The following GSE1 variants were observed in gnomAD, a reference collection of about 807,000 sequenced individuals.
The protein encoded by GSE1 is genetic suppressor element 1.
A neutral mutation model predicts 112.6 loss-of-function variants in GSE1; 32 were observed. That is an observed-to-expected ratio of 0.28 (90% CI 0.21 to 0.38). GSE1 has a LOEUF of 0.38. Among genes scored for constraint, GSE1 ranks in the 10% least tolerant of loss-of-function variants. GSE1 has a pLI of 1.00. For missense variants in GSE1, 2,348 were observed against 1,699.2 expected, an observed-to-expected ratio of 1.38 and a Z score of -6.71; for synonymous variants, 1,115 against 735.6, an observed-to-expected ratio of 1.52 and a Z score of -8.35.
intron 1 of GSE1, among the ~76,000 whole-genome samples, chr16:85,588,662 G>A (rs1225439915): frequency 6.6e-6 from 1 of 152,206 alleles, no homozygotes. Context: ...GAATATTTCT[G>A]TATTTCCCGA....
intron 2 of GSE1, among the ~76,000 whole-genome samples, chr16:85,446,103 G>A (rs2049504617): frequency 6.6e-6 from 1 of 152,306 alleles, no homozygotes; most frequent in Non-Finnish European, 1.5e-5. Flanking sequence ...CTGATTGGTA[G>A]TATGATTGCT....
intron 1 of GSE1, among the ~76,000 whole-genome samples, chr16:85,178,942 G>A (rs916627229): frequency 6.6e-6 from 1 of 152,222 alleles, no homozygotes; most frequent in African/African-American, 2.4e-5. Flanking sequence ...CGTCAGGTGG[G>A]AATAGGGACT....
chr16:85,389,430 A>G (rs2047782151), intron 2 of GSE1, among the ~76,000 whole-genome samples: 1 of 146,392 alleles, frequency 6.8e-6, no homozygotes, highest in Non-Finnish European at 1.5e-5. Context: ...ACTGCACTCC[A>G]GCCTGGGTGA....
At chr16:85,415,828 C>T (rs1005383406) in intron 2 of GSE1, among the ~76,000 whole-genome samples, 1 of 152,220 alleles carries the variant, frequency 6.6e-6, no homozygotes, top group South Asian at 2.1e-4. Flanking sequence ...AGGCTATTTA[C>T]AGTGTTGAGG....
intron 1 of GSE1, among the ~76,000 whole-genome samples, chr16:85,185,936 C>T (rs985327719): frequency 3.3e-5 from 5 of 152,194 alleles, no homozygotes; most frequent in East Asian, 1.9e-4. Context: ...GCCGAGGGCG[C>T]GGAGGCCTGA....
intron 2 of GSE1, among the ~76,000 whole-genome samples, chr16:85,361,887 T>C (rs2047089624): frequency 6.6e-6 from 1 of 152,124 alleles, no homozygotes; most frequent in Non-Finnish European, 1.5e-5. Context: ...ACAGAGCTTA[T>C]CAGACTTGCG....
chr16:85,498,500 CACAA>C (rs1246011667), intron 2 of GSE1, among the ~76,000 whole-genome samples: 2 of 152,182 alleles, frequency 1.3e-5, no homozygotes, highest in Non-Finnish European at 2.9e-5. Context: ...CATACAGACA[CACAA>C]ACATACACAG....
chr16:85,370,028 G>A (rs996892518), intron 2 of GSE1, among the ~76,000 whole-genome samples: 1 of 152,172 alleles, frequency 6.6e-6, no homozygotes, highest in Non-Finnish European at 1.5e-5. Context: ...TAACTCCCGA[G>A]TTTAGAGCTG....
At chr16:85,208,765 T>TG (rs2075165888) in intron 1 of GSE1, among the ~76,000 whole-genome samples, 1 of 75,382 alleles carries the variant, frequency 1.3e-5, no homozygotes, top group African/African-American at 5.2e-5. Context: ...CGGATGGGGG[T>TG]GGGGGTGGGG....
intron 1 of GSE1, among the ~76,000 whole-genome samples, chr16:85,204,187 C>G (rs1204649900): frequency 1.3e-5 from 2 of 152,230 alleles, no homozygotes; most frequent in African/African-American, 4.8e-5. Context: ...ACAGATTTTT[C>G]TATTCTGGAT....
intron 1 of GSE1, among the ~76,000 whole-genome samples, chr16:85,172,505 G>T (rs984755148): frequency 1.3e-5 from 2 of 152,220 alleles, no homozygotes; most frequent in Admixed American, 6.5e-5. Context: ...CCTTCCTGCT[G>T]CCCGCCCGCG....
At chr16:85,610,906 T>G (rs1490261304), upstream of GSE1, among the ~76,000 whole-genome samples, 2 of 152,192 alleles carry the variant, frequency 1.3e-5, no homozygotes. Flanking sequence ...CCGGAGGGAT[T>G]GGCCGGCTCT....
intron 1 of GSE1, among the ~76,000 whole-genome samples, chr16:85,194,207 C>A (rs1023297340): frequency 2.0e-5 from 3 of 152,118 alleles, no homozygotes; most frequent in African/African-American, 7.2e-5. Flanking sequence ...GTCCGGGCGC[C>A]CTTGTGGTCT....
intron 1 of GSE1, among the ~76,000 whole-genome samples, chr16:85,325,603 C>T (rs906645011): frequency 2.0e-5 from 3 of 151,162 alleles, no homozygotes; most frequent in East Asian, 3.9e-4. Flanking sequence ...AAGCATATGC[C>T]GCCATGCCCA....
At chr16:85,239,399 C>T (rs1038935593) in intron 1 of GSE1, among the ~76,000 whole-genome samples, 2 of 152,206 alleles carry the variant, frequency 1.3e-5, no homozygotes, top group Non-Finnish European at 2.9e-5. Context: ...GCAGAGATCC[C>T]TCCCTGGGGA....
chr16:85,661,182 C>A lies in GSE1; in HGVS notation c.1677C>A (p.Asp559Glu), dbSNP rs777738990. The A allele has an allele frequency of 4.5e-5, 72 of 1,598,896 alleles. No individual in the cohort carries two copies. Among genetic ancestry groups the A allele is most frequent in the Non-Finnish European group, 6.0e-5 (70 of 1,169,016 alleles). ...ACCGTCACGAGCCAGGTGGCCGTGA[C>A]CCTCCGCAGCACTTTGGGGGGCCAC... ...GPNRHEPGGRDPPQHFGGPPP... is the reference protein window; with the variant it reads ...GPNRHEPGGREPPQHFGGPPP... Residue 559 changes from aspartate (D) to glutamate (E), a missense_variant, in exon 9 of 16, where the codon GAC becomes GAA. Coordinates refer to ENST00000253458, the MANE Select transcript of GSE1 (RefSeq NM_014615.5).
At chr16:85,408,518 G>GGCC (rs763025159) in intron 2 of GSE1, among the ~76,000 whole-genome samples, 1 of 41,756 alleles carries the variant, frequency 2.4e-5, no homozygotes, top group Non-Finnish European at 4.7e-5. Flanking sequence ...TTACACTCAG[G>GGCC]CCCCCTGGAT....
chr16:85,363,474 G>T (rs1425003916), intron 2 of GSE1, among the ~76,000 whole-genome samples: 1 of 152,186 alleles, frequency 6.6e-6, no homozygotes, highest in Non-Finnish European at 1.5e-5. Context: ...CTGGACTTGC[G>T]TTCCCTATAC....
intron 2 of GSE1, among the ~76,000 whole-genome samples, chr16:85,487,106 G>A (rs1368585784): frequency 2.6e-5 from 4 of 152,114 alleles, no homozygotes; most frequent in Admixed American, 6.5e-5. Flanking sequence ...GTGCCCCAGC[G>A]GATGGGCTCT....
Sources: allele counts gnomAD v4.1 joint callset (sites outside exome capture counted in the v4.1 genomes callset), GRCh38; gene constraint gnomAD v4.1.1; transcripts MANE v1.5; gene names NCBI Gene and HGNC (gene_info 2026-07-23, HGNC 2026-07-21).